Variants in YTHDF3 observed in about 807,000 individuals in gnomAD.
The protein encoded by YTHDF3 is YTH N6-methyladenosine RNA binding protein F3, also known as YTH domain-containing family protein 3.
In YTHDF3, 9 loss-of-function variants were observed where a neutral mutation model predicts 52.5. That is an observed-to-expected ratio of 0.17 (90% CI 0.10 to 0.30). The LOEUF is 0.30. Among genes scored for constraint, YTHDF3 ranks in the 10% least tolerant of loss-of-function variants. The pLI is 1.00. For synonymous variants in YTHDF3, 274 were observed against 243.3 expected, an observed-to-expected ratio of 1.13 and a Z score of -1.18; for missense variants, 534 against 715.0, an observed-to-expected ratio of 0.75 and a Z score of 2.89.
chr8:63,206,935 T>G (rs953758795), intron 4 of YTHDF3, among the ~76,000 whole-genome samples: 2 of 152,218 alleles, frequency 1.3e-5, no homozygotes, highest in African/African-American at 4.8e-5. Flanking sequence ...CTTTGACATT[T>G]ACTAAGATTC....
At chr8:63,191,472 ACT>A (rs1467850541) in intron 4 of YTHDF3, among the ~76,000 whole-genome samples, 3 of 151,644 alleles carry the variant, frequency 2.0e-5, no homozygotes, top group East Asian at 3.9e-4. Flanking sequence ...CCCCCTCTTA[ACT>A]CTGTTTTCTT....
In YTHDF3 at chr8:63,209,729, A is replaced by T; in HGVS notation, c.*23A>T. ...TAACCGTATGAAGATGTCCTGTTAA[A>T]TTTACAACACTAACGATGTAGACTC... On this transcript the variant is annotated 3_prime_UTR_variant, in exon 5 of 5. Transcript: ENST00000539294. 6.4e-7 allele frequency: 1 copy of T among 1,568,764 alleles called. No individual in the cohort carries two copies. Among genetic ancestry groups the T allele is most frequent in the Non-Finnish European group, 8.6e-7 (1 of 1,163,192 alleles).
At chr8:63,181,472 A>C (rs868776883) in intron 3 of YTHDF3, among the ~76,000 whole-genome samples, 2 of 152,256 alleles carry the variant, frequency 1.3e-5, no homozygotes, top group African/African-American at 2.4e-5. Context: ...TTGGCAAAAT[A>C]GAACTTACCA....
chr8:63,208,621 C>T (rs1025895496), intron 4 of YTHDF3, among the ~76,000 whole-genome samples: 2 of 152,082 alleles, frequency 1.3e-5, no homozygotes, highest in African/African-American at 2.4e-5. Flanking sequence ...CACTAAGTTA[C>T]ACATTAAAAC....
chr8:63,199,031 AGAT>A (rs1218857629), intron 4 of YTHDF3, among the ~76,000 whole-genome samples: 1 of 152,140 alleles, frequency 6.6e-6, no homozygotes, highest in African/African-American at 2.4e-5. Flanking sequence ...TGAATAGTCA[AGAT>A]GATTGAGTTT....
chr8:63,192,810 T>A (rs930545965), intron 4 of YTHDF3, among the ~76,000 whole-genome samples: 27 of 149,380 alleles, frequency 1.8e-4, no homozygotes, highest in Non-Finnish European at 3.8e-4. Flanking sequence ...TCTTTACTAC[T>A]TATGCCTTTT....
At chr8:63,188,701 A>ATATATATATATTTTTT (rs1355614739) in intron 4 of YTHDF3, 29 of 61,446 alleles carry the variant, frequency 4.7e-4, no homozygotes, top group African/African-American at 2.4e-3. Context: ...ATATATATAT[A>ATATATATATATTTTTT]TTTTTTTTTT....
At chr8:63,177,820 T>TA (rs1807805061) in intron 3 of YTHDF3, among the ~76,000 whole-genome samples, 2 of 151,558 alleles carry the variant, frequency 1.3e-5, no homozygotes. Flanking sequence ...TGCAGTGGCA[T>TA]AATCTTGGCT....
chr8:63,205,341 T>C (rs1407751196), intron 4 of YTHDF3, among the ~76,000 whole-genome samples: 2 of 152,208 alleles, frequency 1.3e-5, no homozygotes, highest in East Asian at 3.8e-4. Context: ...TACCAGTACA[T>C]GTAATTATGA....
intron 3 of YTHDF3, among the ~76,000 whole-genome samples, chr8:63,181,290 A>G (rs1204316707): frequency 7.2e-5 from 11 of 152,204 alleles, no homozygotes; most frequent in East Asian, 1.9e-4. Flanking sequence ...TTTTCTAACT[A>G]GTAATTCTAT....
intron 4 of YTHDF3, among the ~76,000 whole-genome samples, chr8:63,209,361 A>C (rs1390472818): frequency 1.3e-5 from 2 of 152,240 alleles, no homozygotes; most frequent in South Asian, 4.1e-4. Context: ...TCTGTTTGAC[A>C]CCTCAAGATG....
intron 4 of YTHDF3, among the ~76,000 whole-genome samples, chr8:63,207,137 T>C (rs1043043261): frequency 1.3e-5 from 2 of 152,204 alleles, no homozygotes; most frequent in Non-Finnish European, 2.9e-5. Flanking sequence ...ATTGTAGTTT[T>C]AGTTTAGTAT....
In YTHDF3 at chr8:63,195,917, TCA is replaced by T. The variant is rs540735758; in HGVS notation, c.1734+8173_1734+8174del. ...TCCAGGCTCAGGTGATTCTTCCACCTCAGTCTCCCAAGTACCTGTGACTACAG... is the reference window on the plus strand; with the variant it reads ...TCCAGGCTCAGGTGATTCTTCCACCTGTCTCCCAAGTACCTGTGACTACAG... On this transcript the variant is annotated intron_variant, in intron 4 of 4. Transcript: ENST00000539294. Among the ~76,000 whole-genome samples the T allele has an allele frequency of 9.6e-4, 146 of 152,194 alleles. No homozygotes were observed. The Middle Eastern group carries it at 0.017, about 18-fold the overall frequency.
At chr8:63,180,080 C>G (rs1373500119) in intron 3 of YTHDF3, among the ~76,000 whole-genome samples, 3 of 151,280 alleles carry the variant, frequency 2.0e-5, no homozygotes, top group Admixed American at 6.6e-5. Flanking sequence ...GGCTGACCCC[C>G]CCCACCTCCC....
At position 63,211,526 on chromosome 8, in the gene YTHDF3, T is replaced by C. The variant is rs185127909; in HGVS notation, c.*1820T>C. ...GACATGTCAAAGATGACTGTTGTCA[T>C]TCTGGAGGTCCTATTAGAGAATATT... On this transcript the variant is annotated 3_prime_UTR_variant, in exon 5 of 5. Coordinates refer to ENST00000539294, the MANE Select transcript of YTHDF3 (RefSeq NM_152758.6). The C allele has an allele frequency of 6.5e-6, 1 of 152,698 alleles. No homozygotes were observed. The highest frequency in any genetic ancestry group is 1.9e-4 in the East Asian group (1 of 5,190). The allele number at this position is 152,698 out of a possible 1,614,324, so 9.5% of individuals were successfully genotyped here. A position where few individuals can be genotyped will look rare whatever the true frequency, so the allele number is the denominator to read the frequency against.
In YTHDF3 at chr8:63,206,084, G is replaced by GT. The variant is rs570271642; in HGVS notation, c.1735-3593dup. Among the ~76,000 whole-genome samples, 520 of 151,950 alleles carry GT rather than the reference G, an allele frequency of 3.4e-3. 4 individuals carry two copies. In the Middle Eastern group the frequency reaches 0.037, roughly 11 times the overall value. Reference sequence around the variant, plus strand: ...AAATTTAGTGTACCTGTTTTGTTTTGTTTTTTGAGACGGAGTTTCGCTCTT... The same window carrying GT: ...AAATTTAGTGTACCTGTTTTGTTTTGTTTTTTTGAGACGGAGTTTCGCTCTT... On this transcript the variant is annotated intron_variant, in intron 4 of 4. Coordinates refer to ENST00000539294, the MANE Select transcript of YTHDF3 (RefSeq NM_152758.6).
In YTHDF3 at chr8:63,168,941, C is replaced by T. The variant is rs548080512; in HGVS notation, c.24+40C>T. 4.0e-5 allele frequency: 62 copies of T among 1,547,256 alleles called. No homozygotes were observed. The African/African-American group carries it at 8.6e-4, about 21-fold the overall frequency. ...GCCCCAGGCTTGGCGAAGGCCCGAG[C>T]CCCGGAGCTCCACCCTCGCGCGGGG... is the stretch of plus-strand genomic sequence containing the variant. On this transcript the variant is annotated intron_variant, in intron 1 of 4. Coordinates refer to ENST00000539294, the MANE Select transcript of YTHDF3 (RefSeq NM_152758.6).
In YTHDF3 at chr8:63,202,280, A is replaced by T. The variant is rs529544341; in HGVS notation, c.1735-7403A>T. Among the ~76,000 whole-genome samples the T allele has an allele frequency of 3.3e-5, 5 of 152,194 alleles. No individual in the cohort carries two copies. The South Asian group carries it at 8.3e-4, about 25-fold the overall frequency. ...TTTTGAAATTAGTTTTACAGTGCAG[A>T]ATTGGTTTGTTTCCTTTACAGTTTT... On this transcript the variant is annotated intron_variant, in intron 4 of 4. Transcript: ENST00000539294.
chr8:63,196,909 C>T (rs1809276352), intron 4 of YTHDF3, among the ~76,000 whole-genome samples: 5 of 152,076 alleles, frequency 3.3e-5, no homozygotes, highest in African/African-American at 4.8e-5. Context: ...AACAACAACC[C>T]GTAGCACCTG....
Sources: gnomAD v4.1 joint callset for allele counts (sites outside exome capture counted in the v4.1 genomes callset) on GRCh38, gnomAD v4.1.1 for gene constraint, MANE v1.5 for transcripts, NCBI Gene and HGNC (gene_info 2026-07-23, HGNC 2026-07-21) for gene names.